The following CSMD3 variants were observed in gnomAD, a reference collection of about 807,000 sequenced individuals.
CSMD3 encodes CUB and Sushi multiple domains 3, also known as CUB and sushi domain-containing protein 3.
Under a neutral mutation model 435.2 loss-of-function variants are expected in CSMD3, and 177 were observed. The observed-to-expected ratio is 0.41, with a 90% confidence interval of 0.36 to 0.46. The LOEUF (loss-of-function observed/expected upper bound fraction) is 0.46, where lower values mean the gene tolerates loss of function less well. Ranked by LOEUF, CSMD3 falls within the 20% of genes least tolerant of loss-of-function variation. The pLI is 0.34. For synonymous variants in CSMD3, 1,656 were observed against 1,520.5 expected, an observed-to-expected ratio of 1.09 and a Z score of -2.07; for missense variants, 4,265 against 4,504.6, an observed-to-expected ratio of 0.95 and a Z score of 1.52.
chr8:112,994,735 G>A lies in CSMD3; in HGVS notation c.1031-18587C>T, dbSNP rs183336122. On this transcript the variant is annotated intron_variant, in intron 6 of 70. Transcript: ENST00000297405. ...CATCTTCATATTCAGGCCTTTTCAC[G>A]TTATAGTACAGACCAGTGTAGCTCA... Among the ~76,000 whole-genome samples, 28 of 151,470 alleles carry A rather than the reference G, an allele frequency of 1.8e-4. No homozygotes were observed. In the East Asian group the frequency reaches 2.9e-3, roughly 16 times the overall value.
At chr8:113,045,848 A>G (rs2087806207) in intron 5 of CSMD3, among the ~76,000 whole-genome samples, 1 of 149,396 alleles carries the variant, frequency 6.7e-6, no homozygotes, top group Admixed American at 6.7e-5. Flanking sequence ...TACAAATTCT[A>G]AATACTAAGT....
chr8:112,682,786 T>A (rs369792395), intron 15 of CSMD3, 150 bp from the exon 16 acceptor site: 3 of 672,678 alleles, frequency 4.5e-6, no homozygotes, highest in African/African-American at 1.8e-5. Flanking sequence ...TTACTTTAAA[T>A]TTGGAGGTTC....
chr8:112,980,523 A>G (rs577507123), intron 6 of CSMD3, among the ~76,000 whole-genome samples: 2 of 151,652 alleles, frequency 1.3e-5, no homozygotes, highest in Admixed American at 1.3e-4. Flanking sequence ...AAAATTATAT[A>G]TACACAAATA....
chr8:112,770,279 T>A (rs1225480741), intron 13 of CSMD3, among the ~76,000 whole-genome samples: 1 of 151,978 alleles, frequency 6.6e-6, no homozygotes, highest in Non-Finnish European at 1.5e-5. Context: ...AAAGGTGGGT[T>A]TAATGCCTGT....
intron 5 of CSMD3, among the ~76,000 whole-genome samples, chr8:113,079,867 G>A (rs998762920): frequency 1.2e-4 from 18 of 152,178 alleles, no homozygotes; most frequent in Middle Eastern, 3.4e-3. Context: ...AATAAAATAC[G>A]CAAAGTCATA....
chr8:112,398,807 C>T (rs1831070930), intron 35 of CSMD3, among the ~76,000 whole-genome samples: 1 of 152,112 alleles, frequency 6.6e-6, no homozygotes. Flanking sequence ...TAGGTCCTGG[C>T]TTCTGTTTAG....
chr8:113,091,037 AT>A (rs2089985225), intron 5 of CSMD3, among the ~76,000 whole-genome samples: 2 of 152,150 alleles, frequency 1.3e-5, no homozygotes, highest in South Asian at 4.1e-4. Flanking sequence ...AATGAGATAT[AT>A]CTATCTTTTT....
chr8:112,584,624 C>G (rs1336267980), intron 23 of CSMD3, among the ~76,000 whole-genome samples: 1 of 151,496 alleles, frequency 6.6e-6, no homozygotes, highest in Non-Finnish European at 1.5e-5. Context: ...GTAAACGAAA[C>G]CAGAAAAAAA....
At chr8:112,653,886 C>T (rs2075192700) in intron 18 of CSMD3, among the ~76,000 whole-genome samples, 1 of 152,056 alleles carries the variant, frequency 6.6e-6, no homozygotes, top group African/African-American at 2.4e-5. Context: ...TCTTGAACTC[C>T]TGACCTCGTG....
At chr8:112,894,361 G>A (rs566411272) in intron 10 of CSMD3, among the ~76,000 whole-genome samples, 2 of 151,398 alleles carry the variant, frequency 1.3e-5, no homozygotes, top group Non-Finnish European at 3.0e-5. Context: ...GTCACAGGGT[G>A]AGCACTCTAA....
chr8:112,809,102 T>C (rs1441987841), intron 12 of CSMD3, among the ~76,000 whole-genome samples: 1 of 152,222 alleles, frequency 6.6e-6, no homozygotes, highest in East Asian at 1.9e-4. Context: ...GCCAGACCTA[T>C]GAAATTCAGT....
At chr8:113,307,813 T>G (rs1201684412) in intron 2 of CSMD3, among the ~76,000 whole-genome samples, 1 of 152,182 alleles carries the variant, frequency 6.6e-6, no homozygotes, top group African/African-American at 2.4e-5. Context: ...CAATAAATGC[T>G]GACAACCTCA....
At chr8:113,205,928 T>C (rs2092766236) in intron 3 of CSMD3, among the ~76,000 whole-genome samples, 1 of 152,164 alleles carries the variant, frequency 6.6e-6, no homozygotes, top group Non-Finnish European at 1.5e-5. Context: ...ATCTTTTTTT[T>C]TTGTCAGTGT....
intron 3 of CSMD3, among the ~76,000 whole-genome samples, chr8:113,237,648 T>G (rs992154040): frequency 1.3e-5 from 2 of 152,230 alleles, no homozygotes; most frequent in Non-Finnish European, 2.9e-5. Context: ...GATTGTTTAA[T>G]TAACAGCCAT....
At chr8:112,690,592 C>CA (rs1563857175) in intron 13 of CSMD3, among the ~76,000 whole-genome samples, 4 of 150,086 alleles carry the variant, frequency 2.7e-5, no homozygotes, top group South Asian at 2.1e-4. Context: ...ACTAGACCCC[C>CA]CCCCCCAACA....
At chr8:112,736,762 G>C (rs984517294) in intron 13 of CSMD3, among the ~76,000 whole-genome samples, 1 of 151,876 alleles carries the variant, frequency 6.6e-6, no homozygotes, top group Non-Finnish European at 1.5e-5. Context: ...GTGCTAGACT[G>C]TAATAAATCC....
chr8:112,323,920 A>C (rs1263086669), intron 45 of CSMD3, among the ~76,000 whole-genome samples: 1 of 152,086 alleles, frequency 6.6e-6, no homozygotes, highest in Admixed American at 6.6e-5. Context: ...AGGGACACTA[A>C]ATTTCATAGT....
intron 13 of CSMD3, among the ~76,000 whole-genome samples, chr8:112,792,935 C>G: frequency 6.6e-6 from 1 of 151,524 alleles, no homozygotes; most frequent in East Asian, 1.9e-4. Context: ...TTACAGAAAA[C>G]ATTTACTACA....
intron 12 of CSMD3, among the ~76,000 whole-genome samples, chr8:112,802,698 C>T (rs145588876): frequency 1.1e-4 from 16 of 151,774 alleles, no homozygotes; most frequent in Non-Finnish European, 1.9e-4. Context: ...GGGATATGAA[C>T]GGTAGTTTTG....
Sources: allele counts gnomAD v4.1 joint callset (sites outside exome capture counted in the v4.1 genomes callset), GRCh38; gene constraint gnomAD v4.1.1; transcripts MANE v1.5; gene names NCBI Gene and HGNC (gene_info 2026-07-23, HGNC 2026-07-21).